TDRD5: variants seen among roughly 807,000 people sequenced by gnomAD.
TDRD5 encodes tudor domain-containing protein 5.
A neutral mutation model predicts 120.6 loss-of-function variants in TDRD5; 41 were observed. The ratio of observed to expected loss-of-function variants is 0.34; its 90% CI spans 0.26 to 0.44. TDRD5 has a LOEUF of 0.44. TDRD5 is among the 20% of genes least tolerant of loss of function. TDRD5 has a pLI of 1.00. For missense variants in TDRD5, 1,006 were observed against 1,221.2 expected, an observed-to-expected ratio of 0.82 and a Z score of 2.63; for synonymous variants, 430 against 433.7, an observed-to-expected ratio of 0.99 and a Z score of 0.11.
chr1:179,598,995 G>A (rs1054289645), intron 4 of TDRD5, among the ~76,000 whole-genome samples: 1 of 152,050 alleles, frequency 6.6e-6, no homozygotes, highest in Non-Finnish European at 1.5e-5. Context: ...GATATTAACT[G>A]TAGCTTTTTA....
chr1:179,690,045 G>A (rs1681045435), intron 17 of TDRD5, among the ~76,000 whole-genome samples: 1 of 152,138 alleles, frequency 6.6e-6, no homozygotes, highest in Non-Finnish European at 1.5e-5. Context: ...ATGCTCTGTG[G>A]GCTGCCCCCA....
intron 13 of TDRD5, among the ~76,000 whole-genome samples, chr1:179,652,808 TG>T (rs1678792991): frequency 6.6e-6 from 1 of 152,260 alleles, no homozygotes; most frequent in Admixed American, 6.5e-5. Flanking sequence ...ATATCACAAG[TG>T]GAAAGTTCCA....
At chr1:179,608,261 TTTC>T (rs200120383) in intron 4 of TDRD5, among the ~76,000 whole-genome samples, 7,526 of 151,064 alleles carry the variant, frequency 0.05, 268 homozygotes, top group Non-Finnish European at 0.069. Flanking sequence ...TTGTTGTACT[TTTC>T]TTTATTTTTT....
chr1:179,676,607 AGCTTAGTTTTGCTG>A (rs1322352572), intron 17 of TDRD5, among the ~76,000 whole-genome samples: 2 of 152,166 alleles, frequency 1.3e-5, no homozygotes, highest in East Asian at 3.8e-4. Flanking sequence ...TCATTTATGA[AGCTTAGTTTTGCTG>A]GCTACAAAAT....
intron 4 of TDRD5, among the ~76,000 whole-genome samples, chr1:179,608,602 C>T (rs578231909): frequency 4.6e-5 from 7 of 152,034 alleles, no homozygotes; most frequent in African/African-American, 1.4e-4. Flanking sequence ...AGGTATTCCA[C>T]GTGGGTCTTT....
chr1:179,678,190 G>A (rs1475786925), intron 17 of TDRD5, among the ~76,000 whole-genome samples: 2 of 152,236 alleles, frequency 1.3e-5, no homozygotes, highest in African/African-American at 2.4e-5. Context: ...GGGGAAAGCC[G>A]GCAGTCACGG....
chr1:179,621,958 G>A (rs1479303455), intron 6 of TDRD5, among the ~76,000 whole-genome samples: 3 of 152,166 alleles, frequency 2.0e-5, no homozygotes, highest in Non-Finnish European at 4.4e-5. Context: ...ACTGTGCCAT[G>A]AAAACTATAG....
intron 6 of TDRD5, among the ~76,000 whole-genome samples, chr1:179,627,195 C>T (rs1677175992): frequency 6.6e-6 from 1 of 152,164 alleles, no homozygotes; most frequent in African/African-American, 2.4e-5. Context: ...AAGCTATTAC[C>T]ACCATGCAAG....
chr1:179,626,495 T>A (rs1034232608), intron 6 of TDRD5, among the ~76,000 whole-genome samples: 6 of 152,218 alleles, frequency 3.9e-5, no homozygotes, highest in Non-Finnish European at 7.3e-5. Context: ...GCTAACTGAC[T>A]GGTAAACTTA....
At chr1:179,690,566 C>G in intron 17 of TDRD5, 130 bp from the exon 18 acceptor site, 1 of 1,223,460 alleles carries the variant, frequency 8.2e-7, no homozygotes, top group East Asian at 2.4e-5. Context: ...CTCTGATTAG[C>G]CATTGGTAAT....
rs1015499751 is a variant in TDRD5, at chr1:179,691,269, C to T, written c.*326C>T. 4.6e-6 allele frequency: 1 copy of T among 215,980 alleles called. No individual in the cohort carries two copies. Among genetic ancestry groups the T allele is most frequent in the Non-Finnish European group, 9.4e-6 (1 of 106,288 alleles). The allele number at this position is 215,980 out of a possible 1,614,324, so 13.4% of individuals were successfully genotyped here. ...TGACTGATAAATGAAAATTGAAAAA[C>T]TAATGTTTGTGATCTATATTTGGCA... On this transcript the variant is annotated 3_prime_UTR_variant, in exon 18 of 18. Coordinates refer to ENST00000444136, the MANE Select transcript of TDRD5 (RefSeq NM_001199085.3).
At chr1:179,621,748 T>G (rs1239129825) in intron 6 of TDRD5, among the ~76,000 whole-genome samples, 2 of 152,190 alleles carry the variant, frequency 1.3e-5, no homozygotes, top group Non-Finnish European at 2.9e-5. Context: ...TATCCAGTTT[T>G]TAAAAAGATA....
At chr1:179,623,374 A>G (rs1019358368) in intron 6 of TDRD5, among the ~76,000 whole-genome samples, 4 of 152,200 alleles carry the variant, frequency 2.6e-5, no homozygotes, top group Admixed American at 2.6e-4. Flanking sequence ...CAAAAATTAC[A>G]GCATTAAATA....
At chr1:179,677,212 T>C (rs113056023) in intron 17 of TDRD5, among the ~76,000 whole-genome samples, 11 of 152,142 alleles carry the variant, frequency 7.2e-5, no homozygotes, top group African/African-American at 2.4e-4. Flanking sequence ...GATTGTTTTT[T>C]ATTAATGCTT....
intron 17 of TDRD5, among the ~76,000 whole-genome samples, chr1:179,675,273 A>ATTTTTTTTTTTTTT (rs1172444253): frequency 3.0e-5 from 2 of 66,628 alleles, no homozygotes; most frequent in Non-Finnish European, 6.0e-5. Context: ...TATTATTATT[A>ATTTTTTTTTTTTTT]TTTTTTTTTT....
chr1:179,649,543 T>C (rs1410016229), intron 11 of TDRD5, among the ~76,000 whole-genome samples: 2 of 152,132 alleles, frequency 1.3e-5, no homozygotes, highest in Non-Finnish European at 2.9e-5. Context: ...GGTTTTTAAT[T>C]TGGGTTATTA....
At chr1:179,631,325 G>A (rs1415305331) in intron 7 of TDRD5, among the ~76,000 whole-genome samples, 1 of 152,182 alleles carries the variant, frequency 6.6e-6, no homozygotes, top group Non-Finnish European at 1.5e-5. Context: ...CCGGGAGGCG[G>A]AGCTTGCCGG....
chr1:179,660,904 A>G (rs1679274825), intron 14 of TDRD5, among the ~76,000 whole-genome samples: 1 of 152,018 alleles, frequency 6.6e-6, no homozygotes, highest in African/African-American at 2.4e-5. Flanking sequence ...TTCTTTATTG[A>G]GAATATATTT....
chr1:179,620,991 G>C, intron 5 of TDRD5, 44 bp from the exon 6 acceptor site: 1 of 1,413,908 alleles, frequency 7.1e-7, no homozygotes, highest in Non-Finnish European at 9.7e-7. Flanking sequence ...GTGTCACTCA[G>C]CATTTCAGTG....
Sources: allele counts gnomAD v4.1 joint callset (sites outside exome capture counted in the v4.1 genomes callset), GRCh38; gene constraint gnomAD v4.1.1; transcripts MANE v1.5; gene names NCBI Gene and HGNC (gene_info 2026-07-23, HGNC 2026-07-21).